The following COL25A1 variants were observed in gnomAD, a reference collection of about 807,000 sequenced individuals.
COL25A1 encodes the protein collagen alpha-1(XXV) chain.
In COL25A1, 103 loss-of-function variants were observed where a neutral mutation model predicts 128.4. That is an observed-to-expected ratio of 0.80 (90% CI 0.68 to 0.94). The LOEUF is 0.94. Among genes scored for constraint, COL25A1 ranks in the 40% least tolerant of loss-of-function variants. COL25A1 has a pLI of 0.00. For missense variants in COL25A1, 745 were observed against 840.0 expected, an observed-to-expected ratio of 0.89 and a Z score of 1.40; for synonymous variants, 279 against 277.2, an observed-to-expected ratio of 1.01 and a Z score of -0.06.
rs1403006572 is a variant in COL25A1 at position 108,811,321 on chromosome 4, C to A, written c.*2606G>T. 1.3e-5 allele frequency: 2 copies of A among 152,022 alleles called. No individual in the cohort carries two copies. Among genetic ancestry groups the A allele is most frequent in the African/African-American group, 2.4e-5 (1 of 41,428 alleles). The allele number at this position is 152,022 out of a possible 1,614,324, so 9.4% of individuals were successfully genotyped here. A position where few individuals can be genotyped will look rare whatever the true frequency, so the allele number is the denominator to read the frequency against. ...AAATAAATGTAATGAAAGTTTACAA[C>A]CTCATTTAATCATGAAATAAGTTGA... is the stretch of plus-strand genomic sequence containing the variant. On this transcript the variant is annotated 3_prime_UTR_variant, in exon 38 of 38. Transcript: ENST00000399132.
intron 3 of COL25A1, among the ~76,000 whole-genome samples, chr4:109,280,119 A>C (rs1257283875): frequency 2.0e-5 from 3 of 152,218 alleles, no homozygotes; most frequent in African/African-American, 2.4e-5. Flanking sequence ...AAAATGTTAA[A>C]CACTTCGCAG....
chr4:109,038,294 G>A (rs1188262285), intron 5 of COL25A1, among the ~76,000 whole-genome samples: 3 of 152,144 alleles, frequency 2.0e-5, no homozygotes, highest in Non-Finnish European at 4.4e-5. Flanking sequence ...ATCATTTGAA[G>A]GCCTTAAGAA....
intron 8 of COL25A1, among the ~76,000 whole-genome samples, chr4:108,962,406 C>T (rs1292763195): frequency 1.3e-5 from 2 of 152,064 alleles, no homozygotes; most frequent in Admixed American, 6.5e-5. Flanking sequence ...GTCTTGATCT[C>T]CTGACCTCAT....
At chr4:109,273,412 T>C (rs995741539) in intron 3 of COL25A1, among the ~76,000 whole-genome samples, 1 of 152,186 alleles carries the variant, frequency 6.6e-6, no homozygotes, top group African/African-American at 2.4e-5. Flanking sequence ...TACAGTCCTA[T>C]AGAAGGAGCA....
At chr4:108,823,778 G>A (rs960625965) in intron 35 of COL25A1, 6 of 418,458 alleles carry the variant, frequency 1.4e-5, no homozygotes, top group African/African-American at 6.4e-5. Context: ...CTACTGGGAA[G>A]TAGTGAAGAC....
At chr4:109,211,251 A>T (rs1409630535) in intron 3 of COL25A1, among the ~76,000 whole-genome samples, 1 of 94,160 alleles carries the variant, frequency 1.1e-5, no homozygotes, top group Non-Finnish European at 1.8e-5. Context: ...TATATGAAAC[A>T]ATATATATGT....
At chr4:108,871,789 G>A (rs1287352414) in intron 19 of COL25A1, among the ~76,000 whole-genome samples, 1 of 152,152 alleles carries the variant, frequency 6.6e-6, no homozygotes, top group East Asian at 1.9e-4. Flanking sequence ...TACTTCCAGA[G>A]GTCTGAATCA....
chr4:109,122,465 G>C (rs1032178830), intron 3 of COL25A1, among the ~76,000 whole-genome samples: 1 of 152,128 alleles, frequency 6.6e-6, no homozygotes, highest in African/African-American at 2.4e-5. Context: ...AAGGAAGTGA[G>C]GGGAATCGAG....
At chr4:109,111,854 A>G (rs537688758) in intron 3 of COL25A1, among the ~76,000 whole-genome samples, 9 of 152,324 alleles carry the variant, frequency 5.9e-5, no homozygotes, top group Admixed American at 5.9e-4. Context: ...AATGTCAGGA[A>G]TATAGTAGAT....
chr4:109,226,286 G>T (rs1382532276), intron 3 of COL25A1, among the ~76,000 whole-genome samples: 2 of 152,012 alleles, frequency 1.3e-5, no homozygotes, highest in African/African-American at 4.8e-5. Context: ...AATGTACCCT[G>T]GGTGATGGTT....
intron 20 of COL25A1, among the ~76,000 whole-genome samples, chr4:108,863,931 C>T (rs574015143): frequency 2.6e-5 from 4 of 152,258 alleles, no homozygotes; most frequent in African/African-American, 7.2e-5. Context: ...GGACCTGAGG[C>T]CTTCAGACTT....
At chr4:108,952,669 C>G (rs1749577489) in intron 8 of COL25A1, among the ~76,000 whole-genome samples, 1 of 152,086 alleles carries the variant, frequency 6.6e-6, no homozygotes, top group Non-Finnish European at 1.5e-5. Context: ...GTCAAGGACT[C>G]ATCTCAACTT....
chr4:109,017,185 C>T (rs1341687079), intron 5 of COL25A1, among the ~76,000 whole-genome samples: 1 of 152,230 alleles, frequency 6.6e-6, no homozygotes, highest in African/African-American at 2.4e-5. Context: ...TTGCACAGAG[C>T]CGGCATCTGT....
chr4:108,907,339 C>G (rs1271017275), intron 13 of COL25A1, among the ~76,000 whole-genome samples: 1 of 152,140 alleles, frequency 6.6e-6, no homozygotes, highest in Admixed American at 6.5e-5. Flanking sequence ...GGGGCATTGC[C>G]GACATTTCCA....
chr4:109,301,838 G>T lies in COL25A1; in HGVS notation c.182C>A (p.Ala61Glu). ...GGCGGATTCGAGAGCGGCGATCCTCGCCTGGAGGTCGTTGGTTTTCACACC... is the reference window on the plus strand; with the variant it reads ...GGCGGATTCGAGAGCGGCGATCCTCTCCTGGAGGTCGTTGGTTTTCACACC... ...YLGVKTNDLQ[A>E]RIAALESAKG... Residue 61 changes from alanine to glutamate, a missense_variant, in exon 2 of 38, where the codon GCG becomes GAG. Around this residue, in one of 3 missense-constraint regions of COL25A1, gnomAD observed 319 missense variants for 324.9 expected, o/e 0.98. Transcript: ENST00000399132. The T allele has an allele frequency of 6.2e-7, 1 of 1,614,240 alleles. No individual in the cohort carries two copies. The highest frequency in any genetic ancestry group is 8.5e-7 in the Non-Finnish European group (1 of 1,180,044).
At chr4:108,949,373 A>C (rs542865561) in intron 8 of COL25A1, among the ~76,000 whole-genome samples, 1 of 152,080 alleles carries the variant, frequency 6.6e-6, no homozygotes, top group South Asian at 2.1e-4. Context: ...ATAAATATTA[A>C]CTCTTTTAAT....
rs751717158 is a variant in COL25A1, at chr4:108,863,347, C to A, written c.1124G>T (p.Arg375Leu). The change falls in exon 21 of 38, where the codon CGA becomes CTA. Residue 375 changes from arginine (R) to leucine (L), a missense_variant. Arg to Leu is a moderately radical substitution (Grantham distance 102, BLOSUM62 -2). Coordinates refer to ENST00000399132, the MANE Select transcript of COL25A1 (RefSeq NM_198721.4). ...TGGTCCGGGGGCTCCAGGTTCCCCT[C>A]GCTCACCTCTTCCAGGAGGCCCTGC... ...GEAGPPGRGE[R>L]GEPGAPGPKG... is the part of the protein sequence containing the mutation. 3.1e-6 allele frequency: 5 copies of A among 1,613,776 alleles called. No homozygotes were observed. Among genetic ancestry groups the A allele is most frequent in the Non-Finnish European group, 4.2e-6 (5 of 1,179,910 alleles).
At chr4:108,972,564 C>T (rs1233135695) in intron 8 of COL25A1, among the ~76,000 whole-genome samples, 1 of 152,160 alleles carries the variant, frequency 6.6e-6, no homozygotes, top group African/African-American at 2.4e-5. Context: ...CATTCTCTTT[C>T]ACCTCTACCT....
At chr4:109,049,198 GTTGA>G (rs1234477638) in intron 4 of COL25A1, among the ~76,000 whole-genome samples, 2 of 152,098 alleles carry the variant, frequency 1.3e-5, no homozygotes, top group African/African-American at 4.8e-5. Context: ...ATACTTAGTA[GTTGA>G]TTATTTTTAA....
Sources: gnomAD v4.1 joint callset for allele counts (sites outside exome capture counted in the v4.1 genomes callset) on GRCh38, gnomAD v4.1.1 for gene constraint, gnomAD v4.1.1 regional missense constraint, MANE v1.5 for transcripts, NCBI Gene and HGNC (gene_info 2026-07-23, HGNC 2026-07-21) for gene names.